Variants in NCAM2 observed in about 807,000 individuals in gnomAD.
NCAM2 encodes the protein neural cell adhesion molecule 2, also known as N-CAM-2.
A neutral mutation model predicts 98.1 loss-of-function variants in NCAM2; 30 were observed. The observed-to-expected ratio is 0.31, with a 90% CI of 0.23 to 0.41. The LOEUF (loss-of-function observed/expected upper bound fraction) is 0.41, where lower values mean the gene tolerates loss of function less well. Ranked by LOEUF, NCAM2 falls within the 10% of genes least tolerant of loss-of-function variation. The pLI, the probability that NCAM2 is intolerant of heterozygous loss-of-function variation, is 1.00. For synonymous variants in NCAM2, 368 were observed against 342.4 expected (o/e 1.07, Z -0.83); for missense variants, 867 against 1,005.8 (o/e 0.86, Z 1.87).
At position 21,324,373 on chromosome 21, in the gene NCAM2, T is replaced by A; in HGVS notation, c.620-10T>A. On this transcript the variant is annotated splice_polypyrimidine_tract_variant and intron_variant, in intron 5 of 17. Coordinates refer to ENST00000400546, the MANE Select transcript of NCAM2 (RefSeq NM_004540.5). ...CGTCTCTATTTATTCTGTATTCATC[T>A]CTCCTTCAGTGCCGCCAGCAATCTC... 6.2e-7 allele frequency: 1 copy of A among 1,601,896 alleles called. No homozygotes were observed. Among genetic ancestry groups the A allele is most frequent in the Non-Finnish European group, 8.6e-7 (1 of 1,169,444 alleles).
chr21:21,068,135 C>CTTTTTTTT (rs68078560), intron 1 of NCAM2, among the ~76,000 whole-genome samples: 7 of 88,568 alleles, frequency 7.9e-5, no homozygotes, highest in South Asian at 4.0e-4. Flanking sequence ...ACTTTTTTTT[C>CTTTTTTTT]TTTTTTTTTT....
At chr21:21,278,624 G>A (rs1243085865) in intron 1 of NCAM2, among the ~76,000 whole-genome samples, 1 of 151,986 alleles carries the variant, frequency 6.6e-6, no homozygotes, top group Non-Finnish European at 1.5e-5. Flanking sequence ...ACCATTCTCT[G>A]AGTATTGGTA....
intron 1 of NCAM2, among the ~76,000 whole-genome samples, chr21:21,215,879 C>T (rs917754595): frequency 1.3e-5 from 2 of 152,080 alleles, no homozygotes; most frequent in African/African-American, 4.8e-5. Flanking sequence ...CCTTTTCCTG[C>T]CTTTTTCCAC....
rs543140814 is a variant in NCAM2, at chr21:21,489,382, C to A, written c.2077+11911C>A. Among the ~76,000 whole-genome samples the A allele has an allele frequency of 3.9e-5, 6 of 152,066 alleles. No individual in the cohort carries two copies. The South Asian group carries it at 1.0e-3, about 26-fold the overall frequency. On this transcript the variant is annotated intron_variant, in intron 15 of 17. Transcript: ENST00000400546. ...TATTTTTAATTTTCTCCCTTTTTCT[C>A]TATTTCTGTCTCTTCCTCCTTTCTC...
At chr21:21,432,011 G>A (rs2146028584) in intron 11 of NCAM2, 97 bp from the exon 12 acceptor site, 1 of 1,085,378 alleles carries the variant, frequency 9.2e-7, no homozygotes, top group South Asian at 2.0e-5. Flanking sequence ...ACAGGTAGCA[G>A]TTTTCCTTCA....
At chr21:21,483,035 T>A (rs1986031073) in intron 15 of NCAM2, among the ~76,000 whole-genome samples, 1 of 152,074 alleles carries the variant, frequency 6.6e-6, no homozygotes, top group Admixed American at 6.6e-5. Context: ...CTAAAAATAC[T>A]ACTAAACTTC....
chr21:21,511,499 G>A (rs1988376943), intron 16 of NCAM2, among the ~76,000 whole-genome samples: 1 of 151,786 alleles, frequency 6.6e-6, no homozygotes, highest in African/African-American at 2.4e-5. Flanking sequence ...ATTCATCCAT[G>A]GATGGACACT....
intron 1 of NCAM2, among the ~76,000 whole-genome samples, chr21:21,151,991 G>A (rs1272559229): frequency 6.6e-6 from 1 of 151,670 alleles, no homozygotes; most frequent in African/African-American, 2.4e-5. Context: ...TTGAATTTGT[G>A]GGTTTGTATT....
intron 1 of NCAM2, among the ~76,000 whole-genome samples, chr21:21,052,150 A>ATTTTTTTTTTTTTTTTTTTTTTTT (rs5842877): frequency 2.7e-5 from 2 of 74,802 alleles, no homozygotes; most frequent in African/African-American, 1.2e-4. Flanking sequence ...CATGATGGCC[A>ATTTTTTTTTTTTTTTTTTTTTTTT]TTTTTTTTTT....
intron 1 of NCAM2, among the ~76,000 whole-genome samples, chr21:21,243,762 A>G (rs2071158981): frequency 1.3e-5 from 2 of 152,180 alleles, no homozygotes; most frequent in Admixed American, 1.3e-4. Flanking sequence ...CAGGTCCTAA[A>G]GCTCACACAC....
chr21:21,114,158 G>A (rs1262792389), intron 1 of NCAM2, among the ~76,000 whole-genome samples: 2 of 152,114 alleles, frequency 1.3e-5, no homozygotes, highest in African/African-American at 4.8e-5. Flanking sequence ...AGCATTTTGA[G>A]TATGCTTTTT....
chr21:21,068,777 A>G (rs972309154), intron 1 of NCAM2, among the ~76,000 whole-genome samples: 8 of 152,048 alleles, frequency 5.3e-5, no homozygotes, highest in Admixed American at 4.6e-4. Context: ...CCTCTTTTGT[A>G]TTATTATCTG....
chr21:21,452,971 TTATTA>T (rs1569079679), intron 12 of NCAM2, among the ~76,000 whole-genome samples: 4,347 of 32,072 alleles, frequency 0.14, 119 homozygotes, highest in Non-Finnish European at 0.2. Context: ...ATATTATATA[TTATTA>T]TATATTATAT....
At chr21:21,076,638 C>G (rs1189665272) in intron 1 of NCAM2, among the ~76,000 whole-genome samples, 1 of 152,096 alleles carries the variant, frequency 6.6e-6, no homozygotes, top group African/African-American at 2.4e-5. Flanking sequence ...AAGAATCTTC[C>G]TGATATTCAC....
At chr21:21,260,817 G>A (rs1179727336) in intron 1 of NCAM2, among the ~76,000 whole-genome samples, 1 of 151,914 alleles carries the variant, frequency 6.6e-6, no homozygotes, top group African/African-American at 2.4e-5. Context: ...AAAGCAACTA[G>A]CTAACAGCAC....
chr21:21,104,441 T>G (rs1260317723), intron 1 of NCAM2, among the ~76,000 whole-genome samples: 1 of 152,208 alleles, frequency 6.6e-6, no homozygotes, highest in Non-Finnish European at 1.5e-5. Context: ...CATCGATAAC[T>G]TCTACTTCAT....
At chr21:21,497,326 A>G (rs995083423) in intron 15 of NCAM2, among the ~76,000 whole-genome samples, 3 of 152,140 alleles carry the variant, frequency 2.0e-5, no homozygotes, top group African/African-American at 7.2e-5. Flanking sequence ...ATCTGCACAT[A>G]TACCCCCTAC....
rs1987410781 is a variant in NCAM2, at chr21:21,498,559, C to T, written c.2078-10292C>T. 2.6e-5 allele frequency among the ~76,000 whole-genome samples: 4 copies of T among 152,200 alleles called. No individual in the cohort carries two copies. The South Asian group carries it at 8.3e-4, about 32-fold the overall frequency. The stretch of plus-strand genomic sequence containing the variant: ...TAAGCAGTTTTATATATGATGACTG[C>T]GAACTTGAGTGAACTTAAAAAAGTT... On this transcript the variant is annotated intron_variant, in intron 15 of 17. Transcript: ENST00000400546.
intron 1 of NCAM2, among the ~76,000 whole-genome samples, chr21:21,241,134 C>A (rs1471769299): frequency 6.6e-6 from 1 of 151,864 alleles, no homozygotes; most frequent in Non-Finnish European, 1.5e-5. Context: ...ATTCAGCATA[C>A]AATAGTATAT....
Sources: gnomAD v4.1 joint callset for allele counts (sites outside exome capture counted in the v4.1 genomes callset) on GRCh38, gnomAD v4.1.1 for gene constraint, MANE v1.5 for transcripts, NCBI Gene and HGNC (gene_info 2026-07-23, HGNC 2026-07-21) for gene names.